The following ANKS1A variants were observed in gnomAD, a reference collection of about 807,000 sequenced individuals.
ANKS1A encodes the protein ankyrin repeat and sterile alpha motif domain containing 1A.
In ANKS1A, 55 loss-of-function variants were observed where a neutral mutation model predicts 120.3. The ratio of observed to expected loss-of-function variants is 0.46; its 90% CI spans 0.37 to 0.57. ANKS1A has a LOEUF of 0.57. Ranked by LOEUF, ANKS1A falls within the 20% of genes least tolerant of loss-of-function variation. The pLI is 0.00. For missense variants in ANKS1A, 1,123 were observed against 1,480.3 expected, an observed-to-expected ratio of 0.76 and a Z score of 3.96; for synonymous variants, 590 against 604.7, an observed-to-expected ratio of 0.98 and a Z score of 0.36.
chr6:34,936,131 T>C (rs11756002), intron 1 of ANKS1A, among the ~76,000 whole-genome samples: 6 of 151,948 alleles, frequency 3.9e-5, no homozygotes, highest in Non-Finnish European at 8.8e-5. Flanking sequence ...ATGTCCCTAG[T>C]TGCTGGTAAG....
intron 1 of ANKS1A, among the ~76,000 whole-genome samples, chr6:34,963,148 C>T (rs1477342102): frequency 1.3e-5 from 2 of 152,142 alleles, no homozygotes; most frequent in Non-Finnish European, 2.9e-5. Flanking sequence ...AGGCATGAGC[C>T]ACCACACCCG....
At position 34,923,764 on chromosome 6, in the gene ANKS1A, C is replaced by T. The variant is rs1365456728; in HGVS notation, c.197+34165C>T. Among the ~76,000 whole-genome samples, 4 of 152,098 alleles carry T rather than the reference C, an allele frequency of 2.6e-5. No homozygotes were observed. The East Asian group carries it at 7.7e-4, about 29-fold the overall frequency. ...TCCTGTGAGACCAGAGGAAATGACT[C>T]CTGAATTCAGATGGAGAGAGGAAGA... is the stretch of plus-strand genomic sequence containing the variant. On this transcript the variant is annotated intron_variant, in intron 1 of 23. Coordinates refer to ENST00000360359, the MANE Select transcript of ANKS1A (RefSeq NM_015245.3).
At chr6:34,940,301 G>A (rs548387471) in intron 1 of ANKS1A, among the ~76,000 whole-genome samples, 3 of 152,272 alleles carry the variant, frequency 2.0e-5, no homozygotes, top group African/African-American at 7.2e-5. Context: ...GATGGAACCA[G>A]GAAACCTGGA....
At chr6:34,925,698 G>GT (rs1341924850) in intron 1 of ANKS1A, among the ~76,000 whole-genome samples, 19 of 152,182 alleles carry the variant, frequency 1.2e-4, no homozygotes, top group African/African-American at 4.1e-4. Flanking sequence ...GGGATACTCT[G>GT]TGGGATTCAG....
intron 1 of ANKS1A, among the ~76,000 whole-genome samples, chr6:34,930,509 G>A (rs1459247579): frequency 6.6e-6 from 1 of 152,146 alleles, no homozygotes; most frequent in Non-Finnish European, 1.5e-5. Context: ...CCAAATCCCA[G>A]GTTGCTTTTT....
intron 1 of ANKS1A, among the ~76,000 whole-genome samples, chr6:34,953,173 C>A (rs1581741384): frequency 2.0e-5 from 3 of 152,248 alleles, no homozygotes; most frequent in Non-Finnish European, 1.5e-5. Flanking sequence ...TAATGGCAAA[C>A]AAAACATATT....
chr6:34,959,676 C>G (rs1051256201), intron 1 of ANKS1A, among the ~76,000 whole-genome samples: 4 of 152,178 alleles, frequency 2.6e-5, no homozygotes, highest in Non-Finnish European at 5.9e-5. Context: ...CTGTGCTTGA[C>G]AGAATAAATA....
intron 10 of ANKS1A, among the ~76,000 whole-genome samples, chr6:35,006,113 G>T (rs201038927): frequency 6.6e-6 from 1 of 150,646 alleles, no homozygotes; most frequent in Non-Finnish European, 1.5e-5. Flanking sequence ...GCTTGAACCC[G>T]GGAGGCAGAG....
chr6:35,023,548 T>C, intron 11 of ANKS1A: 1 of 406,322 alleles, frequency 2.5e-6, no homozygotes, highest in South Asian at 2.0e-5. Context: ...AGAAAGTTTC[T>C]TTCACTCTTT....
intron 11 of ANKS1A, among the ~76,000 whole-genome samples, chr6:35,033,524 G>A (rs183075469): frequency 6.6e-6 from 1 of 152,246 alleles, no homozygotes; most frequent in East Asian, 1.9e-4. Flanking sequence ...TCTCCTGTTG[G>A]GGTATTAACC....
chr6:35,096,765 G>A, the ANKS1A span, among the ~76,000 whole-genome samples: 10 of 152,152 alleles, frequency 6.6e-5, no homozygotes, highest in Non-Finnish European at 1.2e-4. Flanking sequence ...ATTCACAAAC[G>A]CTAAGGCATG....
chr6:34,903,372 A>G lies in ANKS1A; in HGVS notation c.197+13773A>G, dbSNP rs372152457. 3.4e-4 allele frequency among the ~76,000 whole-genome samples: 52 copies of G among 151,036 alleles called. No homozygotes were observed. In the East Asian group the frequency reaches 7.8e-3, roughly 23 times the overall value. On this transcript the variant is annotated intron_variant, in intron 1 of 23. Transcript: ENST00000360359. ...CTTTTTTTTTTTTTTCCAAGAGAGGATCTTGCTCTGTTGCCCAGGCTGGAG... is the reference window on the plus strand; with the variant it reads ...CTTTTTTTTTTTTTTCCAAGAGAGGGTCTTGCTCTGTTGCCCAGGCTGGAG...
downstream of ANKS1A, among the ~76,000 whole-genome samples, chr6:35,093,053 T>G (rs1334021040): frequency 6.6e-6 from 1 of 152,026 alleles, no homozygotes; most frequent in Non-Finnish European, 1.5e-5. Context: ...GACTATCTAG[T>G]GTGTCATGCA....
intron 1 of ANKS1A, among the ~76,000 whole-genome samples, chr6:34,930,259 G>T (rs1440924392): frequency 6.6e-6 from 1 of 152,072 alleles, no homozygotes. Context: ...ACCTTACTGT[G>T]GGGGGACTTA....
At chr6:35,045,837 C>A (rs975299935) in intron 11 of ANKS1A, among the ~76,000 whole-genome samples, 4 of 152,174 alleles carry the variant, frequency 2.6e-5, no homozygotes, top group Non-Finnish European at 4.4e-5. Context: ...ACTGAAAGAA[C>A]CCAGCCCAGG....
intron 2 of ANKS1A, among the ~76,000 whole-genome samples, chr6:34,968,880 AAG>A (rs1261722758): frequency 2.6e-5 from 4 of 152,234 alleles, no homozygotes; most frequent in Non-Finnish European, 2.9e-5. Flanking sequence ...ACATACCAAA[AAG>A]AGGCAGTGGT....
Position 34,956,549 on chromosome 6 carries a change from C to T in ANKS1A, c.198-10690C>T, listed in dbSNP as rs77819785. On this transcript the variant is annotated intron_variant, in intron 1 of 23. Coordinates refer to ENST00000360359, the MANE Select transcript of ANKS1A (RefSeq NM_015245.3). ...ATAGGGTTATGGGATAGGAGCCCCTCCTGTTTTATTGGGAAATCCCCGAAA... is the reference window on the plus strand; with the variant it reads ...ATAGGGTTATGGGATAGGAGCCCCTTCTGTTTTATTGGGAAATCCCCGAAA... 7.6e-3 allele frequency among the ~76,000 whole-genome samples: 1,163 copies of T among 152,224 alleles called. 21 individuals are homozygous for T. Among genetic ancestry groups the T allele is most frequent in the African/African-American group, 0.026 (1,065 of 41,526 alleles).
At chr6:34,957,215 A>C (rs1413538921) in intron 1 of ANKS1A, among the ~76,000 whole-genome samples, 1 of 152,194 alleles carries the variant, frequency 6.6e-6, no homozygotes, top group Non-Finnish European at 1.5e-5. Context: ...GTACATGCTC[A>C]GTTTGTTAAC....
At chr6:34,924,976 A>G (rs561543200) in intron 1 of ANKS1A, among the ~76,000 whole-genome samples, 1 of 152,312 alleles carries the variant, frequency 6.6e-6, no homozygotes, top group African/African-American at 2.4e-5. Flanking sequence ...GCCTAATTAT[A>G]TAGATCTTTT....
Sources: allele counts gnomAD v4.1 joint callset (sites outside exome capture counted in the v4.1 genomes callset), GRCh38; gene constraint gnomAD v4.1.1; transcripts MANE v1.5; gene names NCBI Gene and HGNC (gene_info 2026-07-23, HGNC 2026-07-21).